Variants in LDB2 observed in about 807,000 individuals in gnomAD.
LDB2 encodes the protein LIM domain binding 2.
Under a neutral mutation model 44.3 loss-of-function variants are expected in LDB2, and 12 were observed. The ratio of observed to expected loss-of-function variants is 0.27; its 90% confidence interval spans 0.17 to 0.44. LDB2 has a LOEUF of 0.44. Ranked by LOEUF, LDB2 falls within the 20% of genes least tolerant of loss-of-function variation. LDB2 has a pLI of 1.00. For missense variants in LDB2, 344 were observed against 473.5 expected, an observed-to-expected ratio of 0.73 and a Z score of 2.54; for synonymous variants, 164 against 174.8, an observed-to-expected ratio of 0.94 and a Z score of 0.49.
intron 1 of LDB2, among the ~76,000 whole-genome samples, chr4:16,872,008 G>A (rs1050716415): frequency 6.6e-6 from 1 of 152,044 alleles, no homozygotes; most frequent in Non-Finnish European, 1.5e-5. Context: ...AAAGCATTTT[G>A]GGAGAATTAA....
intron 2 of LDB2, among the ~76,000 whole-genome samples, chr4:16,678,873 T>A (rs1392614027): frequency 6.6e-6 from 1 of 152,150 alleles, no homozygotes; most frequent in Non-Finnish European, 1.5e-5. Flanking sequence ...AGACTTCACC[T>A]CTATAAAGAA....
At chr4:16,615,580 G>C (rs548569595) in intron 2 of LDB2, among the ~76,000 whole-genome samples, 81 of 152,126 alleles carry the variant, frequency 5.3e-4, no homozygotes, top group African/African-American at 1.8e-3. Context: ...ACAGAGAAGG[G>C]AACAACACAC....
At chr4:16,607,058 T>G (rs1474748772) in intron 2 of LDB2, among the ~76,000 whole-genome samples, 4 of 152,290 alleles carry the variant, frequency 2.6e-5, no homozygotes, top group Non-Finnish European at 4.4e-5. Context: ...TCCTCAGGGT[T>G]GGATATTATA....
chr4:16,810,119 C>A (rs1339196299), intron 1 of LDB2, among the ~76,000 whole-genome samples: 1 of 152,102 alleles, frequency 6.6e-6, no homozygotes, highest in East Asian at 1.9e-4. Flanking sequence ...CAGCTCTAGG[C>A]AGAGGGAAAT....
At chr4:16,615,743 G>T (rs1381708591) in intron 2 of LDB2, among the ~76,000 whole-genome samples, 1 of 152,068 alleles carries the variant, frequency 6.6e-6, no homozygotes, top group African/African-American at 2.4e-5. Context: ...TAAAAAAAGT[G>T]AATAAATAAA....
chr4:16,520,670 A>C (rs12510434), intron 5 of LDB2, among the ~76,000 whole-genome samples: 16,253 of 152,148 alleles, frequency 0.11, 973 homozygotes, highest in East Asian at 0.3. Context: ...CTGTCACTCC[A>C]GTCTTGAAGG....
At chr4:16,541,586 C>T (rs1208477151) in intron 5 of LDB2, among the ~76,000 whole-genome samples, 1 of 152,196 alleles carries the variant, frequency 6.6e-6, no homozygotes, top group African/African-American at 2.4e-5. Flanking sequence ...CTGTGTCTCC[C>T]TGCCTGGGGC....
At chr4:16,545,372 A>C (rs6819114) in intron 5 of LDB2, among the ~76,000 whole-genome samples, 1 of 152,134 alleles carries the variant, frequency 6.6e-6, no homozygotes, top group Non-Finnish European at 1.5e-5. Context: ...AGAGATAATC[A>C]TAATCTAACC....
chr4:16,594,881 T>C (rs1720349815), intron 3 of LDB2, among the ~76,000 whole-genome samples: 1 of 152,224 alleles, frequency 6.6e-6, no homozygotes, highest in Admixed American at 6.5e-5. Flanking sequence ...TAGTGTTCAT[T>C]AAAATAAACT....
chr4:16,638,388 G>A (rs567540194), intron 2 of LDB2, among the ~76,000 whole-genome samples: 1 of 152,276 alleles, frequency 6.6e-6, no homozygotes, highest in Admixed American at 6.5e-5. Context: ...TGGAGAAAAC[G>A]CTTTGGAAGT....
At chr4:16,599,263 G>C (rs985393910) in intron 2 of LDB2, among the ~76,000 whole-genome samples, 21 of 152,144 alleles carry the variant, frequency 1.4e-4, no homozygotes, top group Non-Finnish European at 3.1e-4. Flanking sequence ...TTCTCAGGGA[G>C]AATCTATCTT....
chr4:16,583,682 T>C (rs539688617), intron 5 of LDB2, among the ~76,000 whole-genome samples: 19 of 152,334 alleles, frequency 1.2e-4, no homozygotes, highest in Non-Finnish European at 2.2e-4. Flanking sequence ...CGGAAGCCCA[T>C]GTTCACTGCT....
At chr4:16,635,425 T>A (rs769793225) in intron 2 of LDB2, among the ~76,000 whole-genome samples, 36 of 152,072 alleles carry the variant, frequency 2.4e-4, no homozygotes, top group Admixed American at 3.3e-4. Context: ...TTGAGAAGGA[T>A]TCTGGAGCCA....
intron 1 of LDB2, among the ~76,000 whole-genome samples, chr4:16,879,453 C>A (rs1245055285): frequency 6.6e-6 from 1 of 152,158 alleles, no homozygotes; most frequent in African/African-American, 2.4e-5. Context: ...ACAGCCCTCC[C>A]CAGTGGGGGT....
intron 5 of LDB2, among the ~76,000 whole-genome samples, chr4:16,571,455 A>C (rs1465032662): frequency 2.0e-5 from 3 of 148,858 alleles, no homozygotes; most frequent in Non-Finnish European, 4.5e-5. Context: ...CAATTCGGCA[A>C]AAAAAAAAAA....
chr4:16,615,844 G>A (rs555623848), intron 2 of LDB2, among the ~76,000 whole-genome samples: 2 of 152,250 alleles, frequency 1.3e-5, no homozygotes, highest in East Asian at 3.9e-4. Flanking sequence ...TGGGCCATGG[G>A]GTCAAGAGTG....
Position 16,785,255 on chromosome 4 carries a change from G to C in LDB2, c.133-25995C>G, listed in dbSNP as rs577239687. Among the ~76,000 whole-genome samples, 39 of 152,108 alleles carry C rather than the reference G, an allele frequency of 2.6e-4. No individual in the cohort carries two copies. The South Asian group carries it at 6.0e-3, about 23-fold the overall frequency. On this transcript the variant is annotated intron_variant, in intron 1 of 7. Coordinates refer to ENST00000304523, the MANE Select transcript of LDB2 (RefSeq NM_001290.5). ...TAAACATGCCTCCATCCAACAGTTTGGAACACCCCAGGCCACAATTGCATC... is the reference window on the plus strand; with the variant it reads ...TAAACATGCCTCCATCCAACAGTTTCGAACACCCCAGGCCACAATTGCATC...
At chr4:16,575,331 T>G (rs1050156233) in intron 5 of LDB2, among the ~76,000 whole-genome samples, 7 of 152,182 alleles carry the variant, frequency 4.6e-5, no homozygotes, top group Non-Finnish European at 8.8e-5. Context: ...ATAAGATGTT[T>G]TAAAGTCATG....
At chr4:16,787,107 T>C (rs1774606172) in intron 1 of LDB2, among the ~76,000 whole-genome samples, 2 of 152,218 alleles carry the variant, frequency 1.3e-5, no homozygotes, top group South Asian at 4.1e-4. Flanking sequence ...GTTTTGTTTT[T>C]TTGGCTGCAA....
Sources: gnomAD v4.1 joint callset for allele counts (sites outside exome capture counted in the v4.1 genomes callset) on GRCh38, gnomAD v4.1.1 for gene constraint, MANE v1.5 for transcripts, NCBI Gene and HGNC (gene_info 2026-07-23, HGNC 2026-07-21) for gene names.